Variants in CCNA1 observed in about 807,000 individuals in gnomAD.
CCNA1 encodes cyclin A1.
A neutral mutation model predicts 54.1 loss-of-function variants in CCNA1; 23 were observed. The ratio of observed to expected loss-of-function variants is 0.42; its 90% CI spans 0.31 to 0.60. The LOEUF (loss-of-function observed/expected upper bound fraction) is 0.60, where lower values mean the gene tolerates loss of function less well. CCNA1 is among the 20% of genes least tolerant of loss of function. CCNA1 has a pLI of 0.14. For missense variants in CCNA1, 450 were observed against 556.7 expected, an observed-to-expected ratio of 0.81 and a Z score of 1.93; for synonymous variants, 208 against 213.9, an observed-to-expected ratio of 0.97 and a Z score of 0.24.
chr13:36,433,426 C>CT lies in CCNA1; in HGVS notation c.297+208dup, dbSNP rs1424177208. Among the ~76,000 whole-genome samples the CT allele has an allele frequency of 3.6e-3, 426 of 117,840 alleles. 15 individuals carry two copies. The highest frequency in any genetic ancestry group is 0.013 in the African/African-American group (410 of 31,698). 77.3% of individuals were successfully genotyped at this position (117,840 alleles called of 152,430 possible). A position where few individuals can be genotyped will look rare whatever the true frequency, so the allele number is the denominator to read the frequency against. ...TCTTTCTTTCTTTCTTTCTTTCTTT[C>CT]TTTCTTTCTTTCTTTCGTTCTTTCT... On this transcript the variant is annotated intron_variant, in intron 2 of 8. Coordinates refer to ENST00000255465, the MANE Select transcript of CCNA1 (RefSeq NM_003914.4).
intron 4 of CCNA1, among the ~76,000 whole-genome samples, 200 bp from the exon 5 acceptor site, chr13:36,438,444 C>T (rs910192345): frequency 6.6e-6 from 1 of 152,082 alleles, no homozygotes; most frequent in Non-Finnish European, 1.5e-5. Flanking sequence ...CCCTGCCCCC[C>T]CAACCCCAGG....
At position 36,437,480 on chromosome 13, in the gene CCNA1, C is replaced by G. The variant is rs183446965; in HGVS notation, c.298-149C>G. ...GGGGAAAAATTACACTTTTGAAGACCTTTTTTTTTTGGAATTAAATTGCCG... is the reference window on the plus strand; with the variant it reads ...GGGGAAAAATTACACTTTTGAAGACGTTTTTTTTTTGGAATTAAATTGCCG... On this transcript the variant is annotated intron_variant, in intron 2 of 8. Transcript: ENST00000255465. 3.5e-3 allele frequency: 2,331 copies of G among 665,210 alleles called. 5 individuals carry two copies. Among genetic ancestry groups the G allele is most frequent in the Non-Finnish European group, 4.4e-3 (1,810 of 407,840 alleles). 41.2% of individuals were successfully genotyped at this position (665,210 alleles called of 1,614,324 possible).
intron 2 of CCNA1, 112 bp downstream of exon 2, chr13:36,433,333 C>T (rs1447364397): frequency 1.1e-5 from 6 of 567,978 alleles, no homozygotes; most frequent in Non-Finnish European, 1.7e-5. Flanking sequence ...AGTATTACAA[C>T]CCTGGAATCT....
intron 7 of CCNA1, among the ~76,000 whole-genome samples, chr13:36,441,486 C>G (rs2055874135): frequency 6.6e-6 from 1 of 152,180 alleles, no homozygotes; most frequent in South Asian, 2.1e-4. Flanking sequence ...TCAGTGCCCA[C>G]TGTTATTCAG....
intron 2 of CCNA1, among the ~76,000 whole-genome samples, chr13:36,436,721 T>C (rs1414296234): frequency 6.6e-6 from 1 of 152,212 alleles, no homozygotes; most frequent in Non-Finnish European, 1.5e-5. Context: ...TTCGTTTTCT[T>C]ACAGACATAA....
rs1398645542 is a variant in CCNA1, at chr13:36,441,136, C to G, written c.1117C>G (p.Leu373Val). 1 of 1,605,578 alleles carries G rather than the reference C, an allele frequency of 6.2e-7. No individual in the cohort carries two copies. Among genetic ancestry groups the G allele is most frequent in the Admixed American group, 1.7e-5 (1 of 59,872 alleles). ...TGCTTAGTACGTAGCAGAGCTGAGT[C>G]TACTTGAAGCAGATCCATTCTTGAA... Residue 373 changes from leucine to valine, a missense_variant, in exon 7 of 9, where the codon CTA becomes GTA. Physicochemically the swap from Leu to Val is conservative, Grantham distance 32. Transcript: ENST00000255465.
chr13:36,438,853 T>C lies in CCNA1; in HGVS notation c.879T>C (p.Ala293=), dbSNP rs2055841991. Residue 293 remains alanine (A), a synonymous_variant, in exon 5 of 9, where the codon GCT becomes GCC. Transcript: ENST00000255465. Reference sequence around the variant, plus strand: ...AACTGCAGCTCGTAGGAACAGCAGCTATGCTTTTGGCTTCGTAAGTGTTCT... The same window carrying C: ...AACTGCAGCTCGTAGGAACAGCAGCCATGCTTTTGGCTTCGTAAGTGTTCT... 5 of 1,613,738 alleles carry C rather than the reference T, an allele frequency of 3.1e-6. No individual in the cohort carries two copies. Among genetic ancestry groups the C allele is most frequent in the South Asian group, 1.1e-5 (1 of 91,066 alleles).
chr13:36,439,605 A>G (rs1255575538), intron 5 of CCNA1, among the ~76,000 whole-genome samples: 2 of 152,228 alleles, frequency 1.3e-5, no homozygotes, highest in African/African-American at 2.4e-5. Flanking sequence ...GTTTGTTTCT[A>G]TCACTGTGTT....
At chr13:36,435,988 T>A (rs2055800036) in intron 2 of CCNA1, among the ~76,000 whole-genome samples, 1 of 152,210 alleles carries the variant, frequency 6.6e-6, no homozygotes, top group African/African-American at 2.4e-5. Context: ...TGAGAAAATA[T>A]TATTAACTCT....
At chr13:36,437,450 T>C (rs1480142999) in intron 2 of CCNA1, among the ~76,000 whole-genome samples, 179 bp from the exon 3 acceptor site, 1 of 151,994 alleles carries the variant, frequency 6.6e-6, no homozygotes, top group Non-Finnish European at 1.5e-5. Context: ...TAGACAAAGA[T>C]AAGGGGGGAA....
intron 1 of CCNA1, 149 bp from the exon 2 acceptor site, chr13:36,432,884 C>A: frequency 1.0e-6 from 1 of 957,648 alleles, no homozygotes; most frequent in Non-Finnish European, 1.6e-6. Context: ...TCGCACCTGC[C>A]CTTTCAGCCC....
intron 2 of CCNA1, among the ~76,000 whole-genome samples, chr13:36,436,526 A>G (rs2055807388): frequency 6.6e-6 from 1 of 152,240 alleles, no homozygotes; most frequent in African/African-American, 2.4e-5. Flanking sequence ...ATATTTGTTT[A>G]TTAAATATAT....
Position 36,437,871 on chromosome 13 carries a change from C to T in CCNA1, c.540C>T (p.Asn180=), listed in dbSNP as rs769827681. 1.2e-5 allele frequency: 20 copies of T among 1,613,112 alleles called. No individual in the cohort carries two copies. The South Asian group carries it at 2.2e-4, about 18-fold the overall frequency. ...ACCTGCACTTCCTGCTGGATTTCAA[C>T]ACAGGTAACTGACTTGCCTATGGTT... is the stretch of plus-strand genomic sequence containing the variant. Residue 180 remains asparagine (N), a synonymous_variant, in exon 3 of 9, where the codon AAC becomes AAT. Transcript: ENST00000255465.
chr13:36,440,865 A>G (rs758802015), intron 6 of CCNA1, among the ~76,000 whole-genome samples: 2 of 152,234 alleles, frequency 1.3e-5, no homozygotes, highest in Non-Finnish European at 2.9e-5. Context: ...TATTAGCATA[A>G]GAAAAGTAAC....
intron 2 of CCNA1, among the ~76,000 whole-genome samples, 164 bp downstream of exon 2, chr13:36,433,385 T>A (rs1171562665): frequency 4.1e-5 from 3 of 72,482 alleles, no homozygotes; most frequent in Non-Finnish European, 7.9e-5. Flanking sequence ...TTTCTTTCTT[T>A]CTTTCTTTCT....
chr13:36,437,780 G>A lies in CCNA1; in HGVS notation c.449G>A (p.Cys150Tyr). ...CTAGAGCAGGGGGACAGAGACAGCTGCTCGGTCAGAGAGGGGATGGCATTT... is the reference window on the plus strand; with the variant it reads ...CTAGAGCAGGGGGACAGAGACAGCTACTCGGTCAGAGAGGGGATGGCATTT... Residue 150 changes from cysteine (C) to tyrosine (Y), a missense_variant, in exon 3 of 9, where the codon TGC becomes TAC. Transcript: ENST00000255465. The A allele has an allele frequency of 6.2e-7, 1 of 1,614,154 alleles. No individual in the cohort carries two copies. The highest frequency in any genetic ancestry group is 1.7e-5 in the Admixed American group (1 of 60,008).
chr13:36,438,807 G>A lies in CCNA1; in HGVS notation c.833G>A (p.Cys278Tyr). 1 of 1,614,112 alleles carries A rather than the reference G, an allele frequency of 6.2e-7. No individual in the cohort carries two copies. Among genetic ancestry groups the A allele is most frequent in the Non-Finnish European group, 8.5e-7 (1 of 1,180,006 alleles). ...AACTTCCTGGACAGGTTCCTTTCAT[G>A]TATGTCTGTTCTGAGAGGGAAACTG... The change falls in exon 5 of 9, where the codon TGT becomes TAT. Residue 278 changes from cysteine (C) to tyrosine (Y), a missense_variant. Physicochemically the swap from Cys to Tyr is radical, Grantham distance 194. Around this residue, in one of 6 missense-constraint regions of CCNA1, gnomAD observed 150 missense variants for 219.7 expected, o/e 0.68. Coordinates refer to ENST00000255465, the MANE Select transcript of CCNA1 (RefSeq NM_003914.4).
At position 36,433,443 on chromosome 13, in the gene CCNA1, G is replaced by GTTCT. The variant is rs144960649; in HGVS notation, c.297+237_297+240dup. Among the ~76,000 whole-genome samples the GTTCT allele has an allele frequency of 6.2e-3, 335 of 53,808 alleles. 14 individuals carry two copies. The highest frequency in any genetic ancestry group is 0.02 in the African/African-American group (320 of 16,132). The allele number at this position is 53,808 out of a possible 152,430, so 35.3% of individuals were successfully genotyped here. ...CTTTCTTTCTTTCTTTCTTTCTTTCGTTCTTTCTTTCTTTCTTTTCTTTCT... is the reference window on the plus strand; with the variant it reads ...CTTTCTTTCTTTCTTTCTTTCTTTCGTTCTTTCTTTCTTTCTTTCTTTTCTTTCT... On this transcript the variant is annotated intron_variant, in intron 2 of 8. Coordinates refer to ENST00000255465, the MANE Select transcript of CCNA1 (RefSeq NM_003914.4).
In CCNA1 at chr13:36,433,135, A is replaced by G. The variant is rs143296005; in HGVS notation, c.211A>G (p.Arg71Gly). 6.2e-7 allele frequency: 1 copy of G among 1,614,216 alleles called. No individual in the cohort carries two copies. The highest frequency in any genetic ancestry group is 8.5e-7 in the Non-Finnish European group (1 of 1,180,040). Reference sequence around the variant, plus strand: ...TCCCGATGCTTGTCAGATACTCACCAGAGCCCCGCTGGGCCAGGATCCCCC... The same window carrying G: ...TCCCGATGCTTGTCAGATACTCACCGGAGCCCCGCTGGGCCAGGATCCCCC... Residue 71 changes from arginine (R) to glycine (G), a missense_variant, in exon 2 of 9, where the codon AGA (arginine) becomes GGA (glycine). By Grantham distance (125) the Arg-to-Gly change is moderately radical (BLOSUM62 -2). Around this residue, in one of 6 missense-constraint regions of CCNA1, gnomAD observed 103 missense variants for 100.9 expected, o/e 1.02. Transcript: ENST00000255465.
Sources: gnomAD v4.1 joint callset for allele counts (sites outside exome capture counted in the v4.1 genomes callset) on GRCh38, gnomAD v4.1.1 for gene constraint, gnomAD v4.1.1 regional missense constraint, MANE v1.5 for transcripts, NCBI Gene and HGNC (gene_info 2026-07-23, HGNC 2026-07-21) for gene names.